Variants in CSMD1 observed in about 807,000 individuals in gnomAD.
CSMD1 encodes CUB and sushi domain-containing protein 1.
Under a neutral mutation model 417.5 loss-of-function variants are expected in CSMD1, and 213 were observed. The observed-to-expected ratio is 0.51, with a 90% CI of 0.46 to 0.57. The LOEUF (loss-of-function observed/expected upper bound fraction) is 0.57, where lower values mean the gene tolerates loss of function less well. Ranked by LOEUF, CSMD1 falls within the 20% of genes least tolerant of loss-of-function variation. The probability of loss-of-function intolerance (pLI) is 0.00; values close to 1 mark genes in which losing one functional copy is unlikely to be tolerated. For missense variants in CSMD1, 6,923 were observed against 4,529.7 expected (o/e 1.53, Z -15.17); for synonymous variants, 2,862 against 1,736.8 (o/e 1.65, Z -16.11).
At chr8:3,534,394 T>C (rs1018840916) in intron 10 of CSMD1, among the ~76,000 whole-genome samples, 5 of 152,222 alleles carry the variant, frequency 3.3e-5, no homozygotes, top group African/African-American at 1.2e-4. Flanking sequence ...GTAGACTCAG[T>C]TTAATGCCTC....
chr8:4,313,912 G>A (rs1798771835), intron 3 of CSMD1, among the ~76,000 whole-genome samples: 1 of 152,008 alleles, frequency 6.6e-6, no homozygotes, highest in Non-Finnish European at 1.5e-5. Flanking sequence ...TACTTGGGAG[G>A]CTGAGTCAGG....
chr8:3,868,485 T>C (rs1199771590), intron 5 of CSMD1, among the ~76,000 whole-genome samples: 1 of 152,046 alleles, frequency 6.6e-6, no homozygotes, highest in African/African-American at 2.4e-5. Context: ...GGCTCTCTCA[T>C]TCAACAGACA....
At chr8:4,601,949 C>G (rs1800611757) in intron 2 of CSMD1, among the ~76,000 whole-genome samples, 1 of 152,132 alleles carries the variant, frequency 6.6e-6, no homozygotes, top group Admixed American at 6.5e-5. Context: ...TACACAGGTG[C>G]TGGAGGAACC....
chr8:4,426,740 CAATATAGT>C (rs1243208574), intron 2 of CSMD1, among the ~76,000 whole-genome samples: 3 of 146,080 alleles, frequency 2.1e-5, no homozygotes, highest in East Asian at 2.0e-4. Context: ...ATTTATTATA[CAATATAGT>C]AATATAGTAA....
intron 41 of CSMD1, among the ~76,000 whole-genome samples, chr8:3,118,887 G>T (rs1005003977): frequency 6.6e-6 from 1 of 152,172 alleles, no homozygotes; most frequent in Non-Finnish European, 1.5e-5. Flanking sequence ...AATTATTTAA[G>T]AAAGTAATAC....
Position 4,734,953 on chromosome 8 carries a change from G to C in CSMD1, c.86-97395C>G, listed in dbSNP as rs201927679. Among the ~76,000 whole-genome samples, 4 of 152,272 alleles carry C rather than the reference G, an allele frequency of 2.6e-5. No homozygotes were observed. In the East Asian group the frequency reaches 7.7e-4, roughly 29 times the overall value. On this transcript the variant is annotated intron_variant, in intron 1 of 69. Transcript: ENST00000635120. ...TTTAGCAAACTACTCGTTATGGCCT[G>C]GGATTCTGGGAAAGTTTCCATATGG...
Position 4,175,102 on chromosome 8 carries a change from C to G in CSMD1, c.416-143003G>C, listed in dbSNP as rs1239523851. On this transcript the variant is annotated intron_variant, in intron 3 of 69. Coordinates refer to ENST00000635120, the MANE Select transcript of CSMD1 (RefSeq NM_033225.6). ...ACTTTGCACTTTCATAGACAAATTT[C>G]TGCCAAGAATAATAATATCTGAGGA... Among the ~76,000 whole-genome samples, 6 of 151,940 alleles carry G rather than the reference C, an allele frequency of 3.9e-5. No individual in the cohort carries two copies. In the South Asian group the frequency reaches 1.0e-3, roughly 26 times the overall value.
At chr8:4,055,822 T>C (rs191655278) in intron 3 of CSMD1, among the ~76,000 whole-genome samples, 1 of 151,238 alleles carries the variant, frequency 6.6e-6, no homozygotes, top group African/African-American at 2.5e-5. Flanking sequence ...GCAGAAGTGT[T>C]GATTTTACAG....
chr8:3,942,192 T>A (rs918522232), intron 5 of CSMD1, among the ~76,000 whole-genome samples: 2 of 151,940 alleles, frequency 1.3e-5, no homozygotes, highest in African/African-American at 4.8e-5. Context: ...TCCCACTGAT[T>A]CTACATTATG....
rs546341605 is a variant in CSMD1, at chr8:4,868,516, G to A, written c.85+125816C>T. On this transcript the variant is annotated intron_variant, in intron 1 of 69. Coordinates refer to ENST00000635120, the MANE Select transcript of CSMD1 (RefSeq NM_033225.6). Reference sequence around the variant, plus strand: ...CTCCCAAAGTGCTAAAATGACAGTCGTATTATTTTCATATTAGTGTTAGTG... The same window carrying A: ...CTCCCAAAGTGCTAAAATGACAGTCATATTATTTTCATATTAGTGTTAGTG... 3.9e-5 allele frequency among the ~76,000 whole-genome samples: 6 copies of A among 152,000 alleles called. No homozygotes were observed. The East Asian group carries it at 7.7e-4, about 20-fold the overall frequency.
chr8:3,705,275 A>G (rs762527196), intron 7 of CSMD1, among the ~76,000 whole-genome samples: 1 of 152,192 alleles, frequency 6.6e-6, no homozygotes, highest in African/African-American at 2.4e-5. Context: ...CACCCTCTGC[A>G]AAGAGCTGTG....
chr8:3,679,717 A>C (rs938913059), intron 7 of CSMD1, among the ~76,000 whole-genome samples: 4 of 152,216 alleles, frequency 2.6e-5, no homozygotes, highest in Non-Finnish European at 5.9e-5. Flanking sequence ...TCCACCCCAA[A>C]TCAACAGAAT....
intron 50 of CSMD1, among the ~76,000 whole-genome samples, chr8:3,048,360 CATT>C (rs568024062): frequency 2.0e-5 from 3 of 152,104 alleles, no homozygotes; most frequent in Non-Finnish European, 4.4e-5. Flanking sequence ...GGTAAGAAGA[CATT>C]ATGTTACTGG....
At chr8:4,408,482 G>C (rs1796465931) in intron 3 of CSMD1, among the ~76,000 whole-genome samples, 1 of 152,164 alleles carries the variant, frequency 6.6e-6, no homozygotes. Flanking sequence ...GTTTTTAATA[G>C]CTTAATTTTA....
rs138264711 is a variant in CSMD1, at chr8:3,085,265, G to A, written c.7474+1832C>T. 1.2e-3 allele frequency among the ~76,000 whole-genome samples: 187 copies of A among 152,206 alleles called. 1 individual carries two copies. Among genetic ancestry groups the A allele is most frequent in the African/African-American group, 4.2e-3 (175 of 41,526 alleles). On this transcript the variant is annotated intron_variant, in intron 49 of 69. Transcript: ENST00000635120. The stretch of plus-strand genomic sequence containing the variant: ...TTTTTAAGATCCCTCCAAGTTTAAA[G>A]GTCAAAATGCATGAAGAAAAAAACA...
intron 36 of CSMD1, chr8:3,183,265 T>C (rs548810137): frequency 1.5e-5 from 2 of 133,894 alleles, no homozygotes; most frequent in Non-Finnish European, 3.3e-5. Flanking sequence ...CGTCACAAAC[T>C]GAACGCCTAA....
At chr8:4,237,467 A>T (rs1295834755) in intron 3 of CSMD1, among the ~76,000 whole-genome samples, 1 of 152,136 alleles carries the variant, frequency 6.6e-6, no homozygotes, top group Non-Finnish European at 1.5e-5. Flanking sequence ...CTTTGAAGTG[A>T]GGAATAAGGT....
rs62478859 is a variant in CSMD1, at chr8:4,254,777, C to G, written c.415+165176G>C. On this transcript the variant is annotated intron_variant, in intron 3 of 69. Transcript: ENST00000635120. ...CCATTGTGTTACAGTTGCCTACAGT[C>G]TGCAGGACCCTAACAAGGTGACAGG... is the stretch of plus-strand genomic sequence containing the variant. 2.5e-3 allele frequency among the ~76,000 whole-genome samples: 381 copies of G among 152,274 alleles called. 2 individuals carry two copies. The highest frequency in any genetic ancestry group is 4.2e-3 in the Non-Finnish European group (287 of 68,026).
At chr8:3,705,084 C>G (rs1182148567) in intron 7 of CSMD1, among the ~76,000 whole-genome samples, 1 of 152,188 alleles carries the variant, frequency 6.6e-6, no homozygotes, top group Non-Finnish European at 1.5e-5. Context: ...GGAGAAGAAG[C>G]CAGTCAGGCA....
Sources: allele counts gnomAD v4.1 joint callset (sites outside exome capture counted in the v4.1 genomes callset), GRCh38; gene constraint gnomAD v4.1.1; transcripts MANE v1.5; gene names NCBI Gene and HGNC (gene_info 2026-07-23, HGNC 2026-07-21).